The following PHLPP1 variants were observed in gnomAD, a reference collection of about 807,000 sequenced individuals.
PHLPP1 encodes PH domain and leucine rich repeat protein phosphatase 1, also known as PH domain leucine-rich repeat-containing protein phosphatase 1.
A neutral mutation model predicts 117.2 loss-of-function variants in PHLPP1; 42 were observed. That is an observed-to-expected ratio of 0.36 (90% CI 0.28 to 0.46). The LOEUF (loss-of-function observed/expected upper bound fraction) is 0.46. Ranked by LOEUF, PHLPP1 falls within the 20% of genes least tolerant of loss-of-function variation. PHLPP1 has a pLI of 1.00. For missense variants in PHLPP1, 2,084 were observed against 2,241.9 expected (o/e 0.93, Z 1.42); for synonymous variants, 1,042 against 970.7 (o/e 1.07, Z -1.37).
intron 12 of PHLPP1, among the ~76,000 whole-genome samples, chr18:62,957,454 C>CTT (rs1273442243): frequency 1.4e-5 from 2 of 146,164 alleles, no homozygotes; most frequent in South Asian, 4.4e-4. Context: ...GACTCAGCCC[C>CTT]TTTTTTTTTT....
At chr18:62,772,115 G>A (rs1912802479) in intron 1 of PHLPP1, among the ~76,000 whole-genome samples, 1 of 152,102 alleles carries the variant, frequency 6.6e-6, no homozygotes, top group Non-Finnish European at 1.5e-5. Flanking sequence ...ACTTCTCTTT[G>A]CCATTGTGGG....
At chr18:62,870,415 T>C (rs887023681) in intron 4 of PHLPP1, among the ~76,000 whole-genome samples, 2 of 152,226 alleles carry the variant, frequency 1.3e-5, no homozygotes, top group African/African-American at 4.8e-5. Context: ...TTAACGTGGT[T>C]TTTAAATGTC....
chr18:62,880,566 A>G (rs1010120628), intron 4 of PHLPP1, among the ~76,000 whole-genome samples: 1 of 152,084 alleles, frequency 6.6e-6, no homozygotes, highest in Admixed American at 6.5e-5. Flanking sequence ...GGTTAATATT[A>G]AACATCTCTT....
intron 1 of PHLPP1, among the ~76,000 whole-genome samples, chr18:62,772,302 G>A (rs1017919737): frequency 5.9e-5 from 9 of 151,980 alleles, no homozygotes; most frequent in Non-Finnish European, 1.2e-4. Flanking sequence ...TCATTATATC[G>A]TATCATGGAA....
intron 1 of PHLPP1, among the ~76,000 whole-genome samples, chr18:62,780,176 C>T (rs773351387): frequency 5.9e-5 from 9 of 152,036 alleles, no homozygotes; most frequent in African/African-American, 9.7e-5. Context: ...AAGGAATAGT[C>T]GAGTTTGTTT....
chr18:62,788,140 C>T lies in PHLPP1; in HGVS notation c.1577-41895C>T, dbSNP rs190619212. 1.8e-4 allele frequency among the ~76,000 whole-genome samples: 27 copies of T among 152,300 alleles called. 1 individual carries two copies. The highest frequency in any genetic ancestry group is 1.8e-3 in the Admixed American group (27 of 15,306). On this transcript the variant is annotated intron_variant, in intron 1 of 16. Transcript: ENST00000262719. ...TGTTTGAAGCTGTGGTCTCCTGAGG[C>T]GCAGCAGAGAGGCCCTTTTAAGTTT...
At chr18:62,747,604 A>G (rs888494540) in intron 1 of PHLPP1, among the ~76,000 whole-genome samples, 8 of 150,862 alleles carry the variant, frequency 5.3e-5, no homozygotes, top group Admixed American at 2.6e-4. Flanking sequence ...GCAGCCTTGA[A>G]CTCCTGGGCT....
intron 1 of PHLPP1, chr18:62,826,277 T>G (rs552201352): frequency 9.5e-6 from 4 of 419,068 alleles, no homozygotes; most frequent in Middle Eastern, 3.4e-4. Flanking sequence ...AATTCATGAA[T>G]GTGAAGAATA....
intron 1 of PHLPP1, among the ~76,000 whole-genome samples, chr18:62,794,371 CTT>C (rs34983071): frequency 7.0e-5 from 10 of 142,148 alleles, no homozygotes; most frequent in Non-Finnish European, 6.2e-5. Context: ...TTAATTATTA[CTT>C]TTTTTTTTTT....
In PHLPP1 at chr18:62,830,072, G is replaced by A; in HGVS notation, c.1614G>A (p.Gln538=). 6.2e-7 allele frequency: 1 copy of A among 1,613,644 alleles called. No homozygotes were observed. The stretch of plus-strand genomic sequence containing the variant: ...GCACGGGTAGCTCTGAACGGATTCA[G>A]CTCTCAGGAATGTATAATGTCCGTA... The part of the protein sequence containing the change: ...PHSTGSSERI[Q]LSGMYNVRKG... The change falls in exon 2 of 17, where the codon CAG becomes CAA. Residue 538 remains glutamine, a synonymous_variant. Transcript: ENST00000262719.
intron 4 of PHLPP1, among the ~76,000 whole-genome samples, chr18:62,880,531 A>G (rs1365578537): frequency 2.0e-5 from 3 of 151,210 alleles, no homozygotes; most frequent in African/African-American, 7.3e-5. Context: ...TGTTATTGTA[A>G]TATTTTTATT....
intron 4 of PHLPP1, among the ~76,000 whole-genome samples, chr18:62,886,519 C>T (rs1916294287): frequency 6.6e-6 from 1 of 152,152 alleles, no homozygotes; most frequent in Non-Finnish European, 1.5e-5. Flanking sequence ...AAGTGGTCCT[C>T]CTGCCTCAGC....
chr18:62,815,405 C>T (rs1914244670), intron 1 of PHLPP1, among the ~76,000 whole-genome samples: 1 of 152,178 alleles, frequency 6.6e-6, no homozygotes, highest in Non-Finnish European at 1.5e-5. Flanking sequence ...GATCGCCTGC[C>T]TCAGCCTCCC....
intron 4 of PHLPP1, among the ~76,000 whole-genome samples, chr18:62,861,002 A>G (rs755604872): frequency 6.6e-6 from 1 of 152,206 alleles, no homozygotes; most frequent in Non-Finnish European, 1.5e-5. Flanking sequence ...ATAAAAAGAT[A>G]TTTCCTTAGA....
intron 4 of PHLPP1, among the ~76,000 whole-genome samples, chr18:62,875,539 GGCA>G (rs1033267742): frequency 1.3e-5 from 2 of 151,612 alleles, no homozygotes; most frequent in African/African-American, 4.8e-5. Flanking sequence ...ATTCTGAGAG[GGCA>G]GGAATCAAGT....
chr18:62,927,536 A>C (rs186550131), intron 10 of PHLPP1, among the ~76,000 whole-genome samples: 1 of 152,288 alleles, frequency 6.6e-6, no homozygotes, highest in East Asian at 1.9e-4. Context: ...GCTGGAAAGA[A>C]GTGATTGAAC....
intron 1 of PHLPP1, among the ~76,000 whole-genome samples, chr18:62,743,149 G>A (rs1911579206): frequency 1.3e-5 from 2 of 152,010 alleles, no homozygotes; most frequent in South Asian, 2.1e-4. Flanking sequence ...AAATTAAGGG[G>A]CAGGTTAATT....
At chr18:62,939,930 G>T (rs1175126438) in intron 10 of PHLPP1, among the ~76,000 whole-genome samples, 1 of 151,436 alleles carries the variant, frequency 6.6e-6, no homozygotes, top group Non-Finnish European at 1.5e-5. Context: ...TGGCAGAATA[G>T]TCCTGAATTG....
intron 3 of PHLPP1, among the ~76,000 whole-genome samples, chr18:62,845,781 A>G (rs775983280): frequency 9.9e-5 from 15 of 152,188 alleles, no homozygotes; most frequent in Non-Finnish European, 1.5e-4. Context: ...TTGTAATGAT[A>G]AGAAGCTTTG....
Sources: gnomAD v4.1 joint callset for allele counts (sites outside exome capture counted in the v4.1 genomes callset) on GRCh38, gnomAD v4.1.1 for gene constraint, MANE v1.5 for transcripts, NCBI Gene and HGNC (gene_info 2026-07-23, HGNC 2026-07-21) for gene names.